The following B3GALT1 variants were observed in gnomAD, a reference collection of about 807,000 sequenced individuals.
The protein encoded by B3GALT1 is UDP-Gal:betaGlcNAc beta 1,3-galactosyltransferase, polypeptide 1.
B3GALT1 carries 10 observed loss-of-function variants against 23.2 expected under a neutral mutation model. That is an observed-to-expected ratio of 0.43 (90% CI 0.27 to 0.73). B3GALT1 has a LOEUF of 0.73. Among genes scored for constraint, B3GALT1 ranks in the 30% least tolerant of loss-of-function variants. The pLI is 0.21. For synonymous variants in B3GALT1, 156 were observed against 141.5 expected (o/e 1.10, Z -0.73); for missense variants, 299 against 405.4 (o/e 0.74, Z 2.25).
chr2:167,351,084 C>T (rs1697301063), intron 1 of B3GALT1, among the ~76,000 whole-genome samples: 1 of 152,118 alleles, frequency 6.6e-6, no homozygotes, highest in Non-Finnish European at 1.5e-5. Context: ...GTCTGGCCAA[C>T]ATGGTGAAAC....
intron 3 of B3GALT1, among the ~76,000 whole-genome samples, chr2:167,738,089 G>A (rs1357206362): frequency 1.3e-5 from 2 of 148,270 alleles, no homozygotes; most frequent in African/African-American, 4.9e-5. Context: ...GGGAAGATTA[G>A]AGAAAAGAAC....
At chr2:167,565,517 T>G (rs1385619072) in intron 2 of B3GALT1, among the ~76,000 whole-genome samples, 6 of 148,386 alleles carry the variant, frequency 4.0e-5, no homozygotes, top group African/African-American at 7.3e-5. Context: ...GGGATGTAAT[T>G]AAACTAAGGA....
intron 2 of B3GALT1, among the ~76,000 whole-genome samples, chr2:167,598,298 ATATC>A (rs1231715068): frequency 1.3e-5 from 2 of 152,140 alleles, no homozygotes; most frequent in African/African-American, 4.8e-5. Flanking sequence ...TACATACACT[ATATC>A]TAGTATACAT....
At chr2:167,295,469 G>A (rs943426624) in intron 1 of B3GALT1, among the ~76,000 whole-genome samples, 4 of 152,146 alleles carry the variant, frequency 2.6e-5, no homozygotes, top group African/African-American at 9.7e-5. Context: ...GCAATACTAT[G>A]TGCTGGTAAA....
At chr2:167,463,346 G>C (rs966924519) in intron 1 of B3GALT1, among the ~76,000 whole-genome samples, 1 of 151,970 alleles carries the variant, frequency 6.6e-6, no homozygotes, top group African/African-American at 2.4e-5. Context: ...GGTTCTCCAC[G>C]TGAGTCTATA....
chr2:167,657,712 G>A (rs1219877626), intron 3 of B3GALT1, among the ~76,000 whole-genome samples: 2 of 152,126 alleles, frequency 1.3e-5, no homozygotes, highest in African/African-American at 2.4e-5. Flanking sequence ...GATAGGTACT[G>A]TGGTGTGTAA....
chr2:167,658,709 C>T (rs1390795777), intron 3 of B3GALT1, among the ~76,000 whole-genome samples: 1 of 152,040 alleles, frequency 6.6e-6, no homozygotes, highest in Non-Finnish European at 1.5e-5. Context: ...GAAGATGGGG[C>T]ATTTACTGCC....
At chr2:167,619,585 G>T (rs963788771) in intron 2 of B3GALT1, among the ~76,000 whole-genome samples, 1 of 151,988 alleles carries the variant, frequency 6.6e-6, no homozygotes, top group African/African-American at 2.4e-5. Context: ...AAGCATGAAG[G>T]TTAACAAACC....
intron 1 of B3GALT1, among the ~76,000 whole-genome samples, chr2:167,374,491 G>T (rs1276375500): frequency 6.6e-6 from 1 of 152,134 alleles, no homozygotes; most frequent in Non-Finnish European, 1.5e-5. Flanking sequence ...CAGTGTATAT[G>T]CATTCCCTTT....
intron 2 of B3GALT1, among the ~76,000 whole-genome samples, chr2:167,620,740 T>G (rs1448609653): frequency 6.6e-6 from 1 of 152,102 alleles, no homozygotes; most frequent in Non-Finnish European, 1.5e-5. Flanking sequence ...AATGTCCTTT[T>G]TATGGACCAT....
At chr2:167,419,367 C>T in intron 1 of B3GALT1, among the ~76,000 whole-genome samples, 1 of 152,032 alleles carries the variant, frequency 6.6e-6, no homozygotes, top group East Asian at 1.9e-4. Flanking sequence ...TTTTTCCTTC[C>T]CAAGAATGAT....
Position 167,303,316 on chromosome 2 carries a change from C to T in B3GALT1, c.-511+9982C>T, listed in dbSNP as rs752961811. On this transcript the variant is annotated intron_variant, in intron 1 of 4. Transcript: ENST00000392690. The stretch of plus-strand genomic sequence containing the variant: ...AACACACAGTAAAAATTCTCCCTCT[C>T]GTATCCTTCCCCATATACTTAGTTT... Among the ~76,000 whole-genome samples the T allele has an allele frequency of 5.3e-5, 8 of 152,210 alleles. No individual in the cohort carries two copies. In the South Asian group the frequency reaches 1.7e-3, roughly 32 times the overall value.
intron 1 of B3GALT1, among the ~76,000 whole-genome samples, chr2:167,448,085 G>A (rs938513107): frequency 1.4e-5 from 2 of 144,454 alleles, no homozygotes; most frequent in Non-Finnish European, 3.0e-5. Context: ...CTATAAACAT[G>A]TGTGTGGAAG....
chr2:167,313,450 G>A (rs6735236), intron 1 of B3GALT1, among the ~76,000 whole-genome samples: 5,125 of 152,230 alleles, frequency 0.034, 241 homozygotes, highest in African/African-American at 0.11. Flanking sequence ...AGAGATACCT[G>A]TATATAGAAA....
intron 1 of B3GALT1, among the ~76,000 whole-genome samples, chr2:167,328,954 A>G (rs575370830): frequency 6.6e-6 from 1 of 152,202 alleles, no homozygotes; most frequent in East Asian, 1.9e-4. Flanking sequence ...CTGGGTCTAC[A>G]GGGGCGCACC....
intron 1 of B3GALT1, among the ~76,000 whole-genome samples, chr2:167,312,703 A>T (rs1346635909): frequency 6.6e-6 from 1 of 152,050 alleles, no homozygotes; most frequent in Non-Finnish European, 1.5e-5. Context: ...TTTTCAAAGG[A>T]ATATCTAAAA....
intron 2 of B3GALT1, among the ~76,000 whole-genome samples, chr2:167,622,719 A>T (rs1393771662): frequency 6.6e-6 from 1 of 152,154 alleles, no homozygotes; most frequent in Non-Finnish European, 1.5e-5. Flanking sequence ...GCTTCAATGA[A>T]CTAAAAAATT....
intron 3 of B3GALT1, among the ~76,000 whole-genome samples, chr2:167,667,081 G>T (rs769303152): frequency 1.3e-5 from 2 of 151,966 alleles, no homozygotes; most frequent in Non-Finnish European, 2.9e-5. Context: ...TTTTGCAGCG[G>T]CTGGTACTGG....
chr2:167,838,544 C>T (rs1241817923), intron 4 of B3GALT1, among the ~76,000 whole-genome samples: 15 of 152,258 alleles, frequency 9.9e-5, no homozygotes, highest in South Asian at 2.1e-4. Context: ...AATAGCTTAC[C>T]GACCATAAAG....
Sources: gnomAD v4.1 joint callset for allele counts (sites outside exome capture counted in the v4.1 genomes callset) on GRCh38, gnomAD v4.1.1 for gene constraint, MANE v1.5 for transcripts, NCBI Gene and HGNC (gene_info 2026-07-23, HGNC 2026-07-21) for gene names.